GNA14: variants seen among roughly 807,000 people sequenced by gnomAD.
GNA14 encodes the protein G protein subunit alpha 14, also known as guanine nucleotide-binding protein subunit alpha-14.
A neutral mutation model predicts 42.0 loss-of-function variants in GNA14; 50 were observed. That is an observed-to-expected ratio of 1.19 (90% CI 0.95 to 1.51). The LOEUF is 1.51. Ranked by LOEUF, GNA14 falls within the 40% of genes most tolerant of loss-of-function variation. The probability of loss-of-function intolerance (pLI) is 0.00; values close to 1 mark genes in which losing one functional copy is unlikely to be tolerated. For missense variants in GNA14, 473 were observed against 446.2 expected, an observed-to-expected ratio of 1.06 and a Z score of -0.54; for synonymous variants, 173 against 163.1, an observed-to-expected ratio of 1.06 and a Z score of -0.46.
intron 1 of GNA14, among the ~76,000 whole-genome samples, chr9:77,574,956 T>C (rs1223937975): frequency 1.3e-5 from 2 of 152,188 alleles, no homozygotes; most frequent in African/African-American, 4.8e-5. Context: ...ACACCCAACT[T>C]TCTGTAGAAG....
rs544538359 is a variant in GNA14 at position 77,644,317 on chromosome 9, G to A, written c.124+3353C>T. Among the ~76,000 whole-genome samples, 17 of 151,840 alleles carry A rather than the reference G, an allele frequency of 1.1e-4. No homozygotes were observed. The East Asian group carries it at 3.3e-3, about 30-fold the overall frequency. Reference sequence around the variant, plus strand: ...AGAAAAATAAAAATAAGCCCAGCATGGTGGCTCACGCCTATAGTCCCAACT... The same window carrying A: ...AGAAAAATAAAAATAAGCCCAGCATAGTGGCTCACGCCTATAGTCCCAACT... On this transcript the variant is annotated intron_variant, in intron 1 of 6. Coordinates refer to ENST00000341700, the MANE Select transcript of GNA14 (RefSeq NM_004297.4).
intron 1 of GNA14, among the ~76,000 whole-genome samples, chr9:77,586,069 A>G (rs1177199138): frequency 6.6e-6 from 1 of 152,088 alleles, no homozygotes; most frequent in Non-Finnish European, 1.5e-5. Flanking sequence ...TCCCCAGGCT[A>G]CAACAGCCGC....
At chr9:77,455,833 T>G (rs1835988867) in intron 2 of GNA14, among the ~76,000 whole-genome samples, 1 of 152,168 alleles carries the variant, frequency 6.6e-6, no homozygotes. Context: ...TGTGGCTAAG[T>G]CTAAGTAACT....
chr9:77,485,528 A>G (rs975931192), intron 2 of GNA14, among the ~76,000 whole-genome samples: 12 of 152,190 alleles, frequency 7.9e-5, no homozygotes, highest in Non-Finnish European at 1.8e-4. Flanking sequence ...TGGTATCTAG[A>G]ATGGTGAATC....
chr9:77,646,276 G>A (rs771204601), intron 1 of GNA14, among the ~76,000 whole-genome samples: 20 of 152,308 alleles, frequency 1.3e-4, no homozygotes, highest in African/African-American at 4.8e-4. Flanking sequence ...CAGGGATCAG[G>A]TCTGCCTTCT....
intron 2 of GNA14, among the ~76,000 whole-genome samples, chr9:77,460,862 G>GT (rs1378188418): frequency 2.0e-5 from 3 of 152,120 alleles, no homozygotes; most frequent in Non-Finnish European, 2.9e-5. Flanking sequence ...CGTTGACTTT[G>GT]TTTTTTTGTA....
chr9:77,578,932 T>C (rs894883130), intron 1 of GNA14, among the ~76,000 whole-genome samples: 2 of 152,144 alleles, frequency 1.3e-5, no homozygotes, highest in Admixed American at 1.3e-4. Context: ...AACACAGACT[T>C]GTGGGCCTAA....
chr9:77,483,343 T>A lies in GNA14; in HGVS notation c.309+45726A>T, dbSNP rs961299962. Among the ~76,000 whole-genome samples the A allele has an allele frequency of 2.6e-5, 4 of 152,202 alleles. No homozygotes were observed. In the South Asian group the frequency reaches 8.3e-4, roughly 32 times the overall value. On this transcript the variant is annotated intron_variant, in intron 2 of 6. Coordinates refer to ENST00000341700, the MANE Select transcript of GNA14 (RefSeq NM_004297.4). ...ACTCCAGACCCTGTTTGCCTGGGCATCAGGAGCAGTGGCTGCCGAACAGCG... is the reference window on the plus strand; with the variant it reads ...ACTCCAGACCCTGTTTGCCTGGGCAACAGGAGCAGTGGCTGCCGAACAGCG...
chr9:77,490,609 C>T (rs997586848), intron 2 of GNA14, among the ~76,000 whole-genome samples: 66 of 152,232 alleles, frequency 4.3e-4, no homozygotes, highest in Non-Finnish European at 5.7e-4. Context: ...GTACACCCTC[C>T]GCAGCCACTG....
At chr9:77,501,461 T>C (rs1836969611) in intron 2 of GNA14, among the ~76,000 whole-genome samples, 1 of 152,222 alleles carries the variant, frequency 6.6e-6, no homozygotes, top group Non-Finnish European at 1.5e-5. Flanking sequence ...TAATGAATGA[T>C]ATTGAGGATC....
intron 2 of GNA14, among the ~76,000 whole-genome samples, chr9:77,521,371 T>C (rs1316412434): frequency 6.6e-6 from 1 of 152,088 alleles, no homozygotes; most frequent in Non-Finnish European, 1.5e-5. Flanking sequence ...TCAAATTGGA[T>C]GAGGAAGTGG....
chr9:77,491,730 C>A (rs1177126608), intron 2 of GNA14, among the ~76,000 whole-genome samples: 1 of 152,158 alleles, frequency 6.6e-6, no homozygotes, highest in Non-Finnish European at 1.5e-5. Flanking sequence ...ACTTCAACAT[C>A]CCACTCTCAG....
At chr9:77,608,060 A>C (rs1823667328) in intron 1 of GNA14, among the ~76,000 whole-genome samples, 1 of 152,158 alleles carries the variant, frequency 6.6e-6, no homozygotes, top group South Asian at 2.1e-4. Context: ...TGGGGCTCTC[A>C]CAAAAAGCCT....
intron 2 of GNA14, among the ~76,000 whole-genome samples, chr9:77,509,490 T>G (rs984451099): frequency 6.6e-6 from 1 of 152,252 alleles, no homozygotes; most frequent in African/African-American, 2.4e-5. Flanking sequence ...CTATGTTTAA[T>G]TTTTTGAGAC....
chr9:77,425,305 G>A (rs1375434443), intron 6 of GNA14, among the ~76,000 whole-genome samples: 1 of 152,136 alleles, frequency 6.6e-6, no homozygotes, highest in African/African-American at 2.4e-5. Flanking sequence ...GCCTTTGCTG[G>A]GTTTTGGAGA....
At chr9:77,560,351 C>T (rs112967146) in intron 1 of GNA14, among the ~76,000 whole-genome samples, 6,603 of 145,334 alleles carry the variant, frequency 0.045, 160 homozygotes, top group African/African-American at 0.053. Flanking sequence ...TGCAGTGGCA[C>T]GATCTCAGCT....
chr9:77,425,374 A>G (rs112791012), intron 6 of GNA14, among the ~76,000 whole-genome samples, 188 bp downstream of exon 6: 5 of 152,228 alleles, frequency 3.3e-5, no homozygotes, highest in African/African-American at 9.6e-5. Context: ...AGGGAAGCAC[A>G]TGTGGAGGTG....
intron 1 of GNA14, among the ~76,000 whole-genome samples, chr9:77,541,328 C>T (rs2120394): frequency 0.72 from 109,982 of 152,034 alleles, 40,236 homozygotes; most frequent in African/African-American, 0.82. Context: ...TTGGGTGCAA[C>T]CTTTTTTCAT....
At chr9:77,546,215 CAAAAAAAAAAAAAA>C (rs764378681) in intron 1 of GNA14, among the ~76,000 whole-genome samples, 2 of 42,914 alleles carry the variant, frequency 4.7e-5, no homozygotes, top group Non-Finnish European at 1.1e-4. Flanking sequence ...AGCTCCATCT[CAAAAAAAAAAAAAA>C]AAAAAAAAAA....
Sources: allele counts gnomAD v4.1 joint callset (sites outside exome capture counted in the v4.1 genomes callset), GRCh38; gene constraint gnomAD v4.1.1; transcripts MANE v1.5; gene names NCBI Gene and HGNC (gene_info 2026-07-23, HGNC 2026-07-21).